Variants in DLC1 observed in about 807,000 individuals in gnomAD.
DLC1 encodes DLC1 Rho GTPase activating protein.
In DLC1, 54 loss-of-function variants were observed where a neutral mutation model predicts 140.3. The ratio of observed to expected loss-of-function variants is 0.38; its 90% CI spans 0.31 to 0.48. DLC1 has a LOEUF of 0.48. Among genes scored for constraint, DLC1 ranks in the 20% least tolerant of loss-of-function variants. The probability of loss-of-function intolerance (pLI) is 0.96; values close to 1 mark genes in which losing one functional copy is unlikely to be tolerated. For synonymous variants in DLC1, 986 were observed against 728.1 expected (o/e 1.35, Z -5.70); for missense variants, 2,536 against 1,907.0 (o/e 1.33, Z -6.14).
Position 13,422,693 on chromosome 8 carries a change from A to G in DLC1, c.1024-21074T>C, listed in dbSNP as rs187836895. 5.3e-5 allele frequency among the ~76,000 whole-genome samples: 8 copies of G among 152,202 alleles called. No homozygotes were observed. In the East Asian group the frequency reaches 7.7e-4, roughly 15 times the overall value. ...ATTTTCTTTTATTTTTTCTTTCTAT[A>G]TCGAGCAACTATTAGATCAATAATA... On this transcript the variant is annotated intron_variant, in intron 2 of 17. Transcript: ENST00000276297.
intron 5 of DLC1, chr8:13,276,831 A>G (rs1321107146): frequency 1.3e-5 from 2 of 158,166 alleles, no homozygotes; most frequent in Admixed American, 6.5e-5. Flanking sequence ...TGGGGCTGGC[A>G]GGTGGCCTTG....
chr8:13,329,710 T>C (rs541852050), intron 4 of DLC1, among the ~76,000 whole-genome samples: 1 of 152,316 alleles, frequency 6.6e-6, no homozygotes, highest in African/African-American at 2.4e-5. Context: ...TCTTTCTGCA[T>C]ATTCTTATAT....
intron 9 of DLC1, among the ~76,000 whole-genome samples, chr8:13,099,073 G>A (rs1373189289): frequency 7.9e-6 from 1 of 126,876 alleles, no homozygotes; most frequent in East Asian, 1.9e-4. Context: ...ATTTTTAAAT[G>A]TGCAGTTGAG....
At chr8:13,199,905 A>C (rs932059046) in intron 5 of DLC1, among the ~76,000 whole-genome samples, 1 of 152,170 alleles carries the variant, frequency 6.6e-6, no homozygotes, top group Non-Finnish European at 1.5e-5. Flanking sequence ...GGTTTGTTAA[A>C]ACAATGGTAA....
At chr8:13,436,253 G>A (rs1391354495) in intron 2 of DLC1, among the ~76,000 whole-genome samples, 4 of 152,198 alleles carry the variant, frequency 2.6e-5, no homozygotes, top group African/African-American at 4.8e-5. Context: ...ATGAATGTGC[G>A]TAGGAAACAC....
chr8:13,457,092 T>G (rs1585141155), intron 2 of DLC1, among the ~76,000 whole-genome samples: 2 of 152,304 alleles, frequency 1.3e-5, no homozygotes, highest in South Asian at 4.1e-4. Context: ...TGGGTCGGCC[T>G]TTTGGTTGCA....
At chr8:13,423,577 G>C (rs1402562466) in intron 2 of DLC1, among the ~76,000 whole-genome samples, 1 of 152,030 alleles carries the variant, frequency 6.6e-6, no homozygotes, top group Non-Finnish European at 1.5e-5. Flanking sequence ...CAGTACTAAG[G>C]AGTATTAATA....
At chr8:13,259,691 A>T (rs1455688144) in intron 5 of DLC1, among the ~76,000 whole-genome samples, 1 of 152,168 alleles carries the variant, frequency 6.6e-6, no homozygotes, top group Non-Finnish European at 1.5e-5. Context: ...AAAGCAATAG[A>T]AATGTTGGCT....
At chr8:13,435,112 G>T (rs75767739) in intron 2 of DLC1, among the ~76,000 whole-genome samples, 4,338 of 152,232 alleles carry the variant, frequency 0.028, 205 homozygotes, top group African/African-American at 0.099. Context: ...ACCACTAAGA[G>T]AATTCATGAC....
chr8:13,540,169 A>T (rs903422120), intron 1 of DLC1, among the ~76,000 whole-genome samples: 14 of 152,194 alleles, frequency 9.2e-5, no homozygotes. Context: ...CAAGTATGGG[A>T]TATTGAAAAA....
chr8:13,106,415 A>AC (rs1401293860), intron 7 of DLC1, among the ~76,000 whole-genome samples: 13 of 152,190 alleles, frequency 8.5e-5, no homozygotes, highest in Admixed American at 8.5e-4. Flanking sequence ...TGGTGCTATC[A>AC]TGGCACATTG....
intron 1 of DLC1, among the ~76,000 whole-genome samples, chr8:13,519,963 T>G (rs1189385899): frequency 6.6e-6 from 1 of 152,114 alleles, no homozygotes; most frequent in Non-Finnish European, 1.5e-5. Context: ...CATTAAAACG[T>G]CAGGAAACAA....
At chr8:13,574,496 A>G (rs1310392802) in intron 1 of DLC1, among the ~76,000 whole-genome samples, 1 of 152,140 alleles carries the variant, frequency 6.6e-6, no homozygotes, top group African/African-American at 2.4e-5. Context: ...TGAAATAGAA[A>G]GCTCATCAGA....
At chr8:13,594,458 G>T (rs1402562691) in intron 1 of DLC1, among the ~76,000 whole-genome samples, 2 of 151,956 alleles carry the variant, frequency 1.3e-5, no homozygotes, top group African/African-American at 4.8e-5. Flanking sequence ...CATTTTATTG[G>T]ATTCTCCCAC....
intron 1 of DLC1, among the ~76,000 whole-genome samples, chr8:13,522,747 G>A (rs1369014758): frequency 6.6e-6 from 1 of 152,094 alleles, no homozygotes; most frequent in Non-Finnish European, 1.5e-5. Flanking sequence ...ATGCTAAGGA[G>A]GGTGTGGAAT....
chr8:13,573,120 G>A (rs751692671), intron 1 of DLC1, among the ~76,000 whole-genome samples: 30 of 152,196 alleles, frequency 2.0e-4, no homozygotes, highest in Middle Eastern at 3.4e-3. Context: ...ATGTCTTTAC[G>A]TCTTTTAAAA....
At chr8:13,424,719 C>T (rs1393845097) in intron 2 of DLC1, among the ~76,000 whole-genome samples, 1 of 151,860 alleles carries the variant, frequency 6.6e-6, no homozygotes, top group Non-Finnish European at 1.5e-5. Context: ...ACTACAGGCA[C>T]CCACCACCTC....
chr8:13,297,827 T>C (rs891166798), intron 5 of DLC1, among the ~76,000 whole-genome samples: 10 of 152,212 alleles, frequency 6.6e-5, no homozygotes, highest in African/African-American at 2.4e-4. Flanking sequence ...CAAGCAATGA[T>C]GATCAGACTG....
intron 4 of DLC1, among the ~76,000 whole-genome samples, chr8:13,381,746 A>G (rs1001745330): frequency 2.6e-5 from 4 of 152,164 alleles, no homozygotes; most frequent in South Asian, 4.1e-4. Context: ...ACAAAACACT[A>G]CTGAATTCTC....
Sources: gnomAD v4.1 joint callset for allele counts (sites outside exome capture counted in the v4.1 genomes callset) on GRCh38, gnomAD v4.1.1 for gene constraint, MANE v1.5 for transcripts, NCBI Gene and HGNC (gene_info 2026-07-23, HGNC 2026-07-21) for gene names.